The following ZFHX4 variants were observed in gnomAD, a reference collection of about 807,000 sequenced individuals.
ZFHX4 encodes the protein zinc finger homeobox protein 4.
A neutral mutation model predicts 267.6 loss-of-function variants in ZFHX4; 56 were observed. The ratio of observed to expected loss-of-function variants is 0.21; its 90% CI spans 0.17 to 0.26. The LOEUF (loss-of-function observed/expected upper bound fraction) is 0.26, where lower values mean the gene tolerates loss of function less well. ZFHX4 is among the 10% of genes least tolerant of loss of function. The pLI, the probability that ZFHX4 is intolerant of heterozygous loss-of-function variation, is 1.00. For synonymous variants in ZFHX4, 1,778 were observed against 1,665.6 expected (o/e 1.07, Z -1.64); for missense variants, 4,332 against 4,420.0 (o/e 0.98, Z 0.56).
intron 6 of ZFHX4, among the ~76,000 whole-genome samples, chr8:76,845,999 A>G (rs1396712676): frequency 2.0e-5 from 3 of 152,052 alleles, no homozygotes; most frequent in South Asian, 2.1e-4. Flanking sequence ...GTTTACTTCA[A>G]ATAAAGTGGC....
At chr8:76,777,219 T>C (rs998242921) in intron 3 of ZFHX4, among the ~76,000 whole-genome samples, 9 of 152,186 alleles carry the variant, frequency 5.9e-5, no homozygotes, top group African/African-American at 1.9e-4. Flanking sequence ...CCAATTAAAA[T>C]GGGGGAAAAG....
intron 8 of ZFHX4, chr8:76,849,952 A>G (rs1812467584): frequency 1.7e-6 from 1 of 586,338 alleles, no homozygotes. Context: ...TTTTATATCT[A>G]TAATGTTCAT....
At chr8:76,847,726 A>C (rs1313362938) in intron 6 of ZFHX4, among the ~76,000 whole-genome samples, 6 of 151,792 alleles carry the variant, frequency 4.0e-5, no homozygotes, top group Non-Finnish European at 8.8e-5. Context: ...CCACAGTTGA[A>C]ATAGAATGTA....
At chr8:76,840,112 C>A (rs1255215650) in intron 5 of ZFHX4, among the ~76,000 whole-genome samples, 1 of 152,146 alleles carries the variant, frequency 6.6e-6, no homozygotes, top group Non-Finnish European at 1.5e-5. Flanking sequence ...ACAGCTTTCC[C>A]CTTCTAAACC....
Position 76,854,933 on chromosome 8 carries a change from C to T in ZFHX4, c.8012C>T (p.Ala2671Val), listed in dbSNP as rs1812669905. The T allele has an allele frequency of 1.2e-6, 2 of 1,613,956 alleles. No individual in the cohort carries two copies. Among genetic ancestry groups the T allele is most frequent in the African/African-American group, 2.7e-5 (2 of 75,030 alleles). ...GGCCAGTTCCGGGCGGTGGGTCCAG[C>T]ACAGTCTCATAAACGGTGTCCGTTT... ...RKGQFRAVGPAQSHKRCPFCR... is the reference protein window; with the variant it reads ...RKGQFRAVGPVQSHKRCPFCR... Residue 2671 changes from alanine (A) to valine (V), a missense_variant, in exon 10 of 11, where the codon GCA becomes GTA. Physicochemically the swap from Ala to Val is moderately conservative, Grantham distance 64. Transcript: ENST00000651372.
chr8:76,691,429 T>A (rs1807820887), intron 1 of ZFHX4, among the ~76,000 whole-genome samples: 1 of 152,094 alleles, frequency 6.6e-6, no homozygotes, highest in African/African-American at 2.4e-5. Context: ...AAGGAAAGGA[T>A]ATGAAGTCAA....
intron 1 of ZFHX4, among the ~76,000 whole-genome samples, 163 bp downstream of exon 1, chr8:76,681,783 C>T (rs1807536003): frequency 6.6e-6 from 1 of 152,128 alleles, no homozygotes; most frequent in African/African-American, 2.4e-5. Flanking sequence ...CTCCTGCTCG[C>T]TGTCGCACAC....
intron 3 of ZFHX4, among the ~76,000 whole-genome samples, chr8:76,709,559 G>A (rs1808368285): frequency 6.6e-6 from 1 of 152,112 alleles, no homozygotes; most frequent in African/African-American, 2.4e-5. Flanking sequence ...ATAAATAATA[G>A]ATTTAGACCC....
chr8:76,691,959 G>T (rs986129529), intron 1 of ZFHX4, among the ~76,000 whole-genome samples: 23 of 152,024 alleles, frequency 1.5e-4, no homozygotes, highest in Non-Finnish European at 1.9e-4. Context: ...TTTGGCAATG[G>T]ATATGTCTAA....
At chr8:76,831,296 C>G (rs1161432042) in intron 4 of ZFHX4, among the ~76,000 whole-genome samples, 1 of 152,028 alleles carries the variant, frequency 6.6e-6, no homozygotes, top group Non-Finnish European at 1.5e-5. Context: ...CTATATGATA[C>G]GTTGAAATGT....
rs750367407 is a variant in ZFHX4 at position 76,851,695 on chromosome 8, C to A, written c.4774C>A (p.Pro1592Thr). The A allele has an allele frequency of 6.2e-7, 1 of 1,613,956 alleles. No homozygotes were observed. Among genetic ancestry groups the A allele is most frequent in the Admixed American group, 1.7e-5 (1 of 60,028 alleles). ...AACCAACAGCAACACAGATAACAAA[C>A]CCTACAAGTGCAGCATCTGCAATGT... ...QETNSNTDNKPYKCSICNVAY... is the reference protein window; with the variant it reads ...QETNSNTDNKTYKCSICNVAY... Residue 1592 changes from proline (P) to threonine (T), a missense_variant, in exon 10 of 11, where the codon CCC (proline) becomes ACC (threonine). Pro to Thr is a conservative substitution (Grantham distance 38). Coordinates refer to ENST00000651372, the MANE Select transcript of ZFHX4 (RefSeq NM_024721.5).
chr8:76,704,009 A>G (rs947209135), intron 1 of ZFHX4, 34 bp from the exon 2 acceptor site: 31 of 1,355,742 alleles, frequency 2.3e-5, no homozygotes, highest in Middle Eastern at 3.8e-4. Context: ...ATTATTTAAT[A>G]AAAATGGCTT....
In ZFHX4 at chr8:76,855,105, C is replaced by G. The variant is rs1291552625; in HGVS notation, c.8184C>G (p.Ile2728Met). The change falls in exon 10 of 11, where the codon ATC becomes ATG. Residue 2728 changes from isoleucine to methionine, a missense_variant. This residue lies in a region of ZFHX4 where 1,648 missense variants were observed against 1,625.0 expected (regional missense o/e 1.01). Transcript: ENST00000651372. ...GGGGAGAAAGCCCACAGAAATACAT[C>G]TATTTTGATTACCCATCTTTGCCAT... ...EDGGESPQKYIYFDYPSLPLT... is the reference protein window; with the variant it reads ...EDGGESPQKYMYFDYPSLPLT... The G allele has an allele frequency of 1.2e-6, 2 of 1,613,766 alleles. No individual in the cohort carries two copies. Among genetic ancestry groups the G allele is most frequent in the African/African-American group, 1.3e-5 (1 of 75,044 alleles).
chr8:76,685,456 C>T (rs1807668700), intron 1 of ZFHX4, among the ~76,000 whole-genome samples: 1 of 152,008 alleles, frequency 6.6e-6, no homozygotes, highest in Non-Finnish European at 1.5e-5. Flanking sequence ...CTAAAGACAT[C>T]CTAAAGAAGT....
rs1162166261 is a variant in ZFHX4, at chr8:76,852,790, A to G, written c.5869A>G (p.Asn1957Asp). The change falls in exon 10 of 11, where the codon AAT (asparagine) becomes GAT (aspartate). Residue 1957 changes from asparagine to aspartate, a missense_variant. By Grantham distance (23) the Asn-to-Asp change is conservative. Coordinates refer to ENST00000651372, the MANE Select transcript of ZFHX4 (RefSeq NM_024721.5). ...TGGAACATGTGGTAAATTGTTTTCC[A>G]ATGTTCTTATTTTAAAGAGTCACCA... The part of the protein sequence containing the change: ...ECGTCGKLFS[N>D]VLILKSHQEH... The G allele has an allele frequency of 6.2e-7, 1 of 1,613,530 alleles. No homozygotes were observed. Among genetic ancestry groups the G allele is most frequent in the Non-Finnish European group, 8.5e-7 (1 of 1,179,734 alleles).
Position 76,864,753 on chromosome 8 carries a change from C to A in ZFHX4, c.*188C>A. On this transcript the variant is annotated 3_prime_UTR_variant, in exon 11 of 11. Coordinates refer to ENST00000651372, the MANE Select transcript of ZFHX4 (RefSeq NM_024721.5). ...TGGTATGTAATGGACAGAACTGATG[C>A]AGATGGTTGAATGCGCTTGTACTAT... 1 of 441,226 alleles carries A rather than the reference C, an allele frequency of 2.3e-6. No homozygotes were observed. The highest frequency in any genetic ancestry group is 4.0e-6 in the Non-Finnish European group (1 of 248,392). The allele number at this position is 441,226 out of a possible 1,614,324, so 27.3% of individuals were successfully genotyped here.
At chr8:76,688,109 A>G (rs556656808) in intron 1 of ZFHX4, among the ~76,000 whole-genome samples, 1 of 152,336 alleles carries the variant, frequency 6.6e-6, no homozygotes, top group South Asian at 2.1e-4. Flanking sequence ...AGAGGTTTGT[A>G]TATAGAAGAG....
At chr8:76,756,121 G>T (rs1809754661) in intron 3 of ZFHX4, among the ~76,000 whole-genome samples, 1 of 152,178 alleles carries the variant, frequency 6.6e-6, no homozygotes, top group African/African-American at 2.4e-5. Context: ...TTGTCTTAGT[G>T]CTTGTTGATG....
intron 3 of ZFHX4, among the ~76,000 whole-genome samples, chr8:76,752,615 G>A (rs1434854477): frequency 1.3e-5 from 2 of 151,966 alleles, no homozygotes; most frequent in Non-Finnish European, 2.9e-5. Context: ...AGGCTGCAGT[G>A]AGCTGAGATC....
Sources: gnomAD v4.1 joint callset for allele counts (sites outside exome capture counted in the v4.1 genomes callset) on GRCh38, gnomAD v4.1.1 for gene constraint, gnomAD v4.1.1 regional missense constraint, MANE v1.5 for transcripts, NCBI Gene and HGNC (gene_info 2026-07-23, HGNC 2026-07-21) for gene names.